The following GRM1 variants were observed in gnomAD, a reference collection of about 807,000 sequenced individuals.
GRM1 encodes glutamate metabotropic receptor 1.
Under a neutral mutation model 90.9 loss-of-function variants are expected in GRM1, and 33 were observed. The ratio of observed to expected loss-of-function variants is 0.36; its 90% CI spans 0.28 to 0.49. GRM1 has a LOEUF of 0.49. Ranked by LOEUF, GRM1 falls within the 20% of genes least tolerant of loss-of-function variation. The probability of loss-of-function intolerance (pLI) is 0.99; values close to 1 mark genes in which losing one functional copy is unlikely to be tolerated. For synonymous variants in GRM1, 700 were observed against 613.2 expected, an observed-to-expected ratio of 1.14 and a Z score of -2.09; for missense variants, 1,190 against 1,534.3, an observed-to-expected ratio of 0.78 and a Z score of 3.75.
chr6:146,359,930 G>A (rs914446969), intron 5 of GRM1, among the ~76,000 whole-genome samples: 1 of 152,118 alleles, frequency 6.6e-6, no homozygotes, highest in Non-Finnish European at 1.5e-5. Context: ...CTGGAATGGA[G>A]GTGAGGGGGG....
At chr6:146,191,662 TTTAA>T (rs1778937704) in intron 2 of GRM1, among the ~76,000 whole-genome samples, 1 of 152,212 alleles carries the variant, frequency 6.6e-6, no homozygotes. Flanking sequence ...ATCTTGTTTC[TTTAA>T]TTAATCTTTT....
intron 3 of GRM1, among the ~76,000 whole-genome samples, chr6:146,324,037 C>G (rs1490507147): frequency 6.6e-6 from 1 of 152,162 alleles, no homozygotes; most frequent in Non-Finnish European, 1.5e-5. Flanking sequence ...ATGCCTCTGG[C>G]TTTGTTCTTT....
chr6:146,349,524 A>T (rs1159407219), intron 3 of GRM1, among the ~76,000 whole-genome samples: 1 of 152,156 alleles, frequency 6.6e-6, no homozygotes, highest in East Asian at 1.9e-4. Flanking sequence ...ACCAATCGAC[A>T]TGATACTGTC....
chr6:146,261,585 G>A (rs746889334), intron 2 of GRM1, among the ~76,000 whole-genome samples: 1 of 152,046 alleles, frequency 6.6e-6, no homozygotes, highest in African/African-American at 2.4e-5. Context: ...ATTTAATTGA[G>A]AACTAGTTGG....
At chr6:146,124,556 A>G (rs896562746) in intron 1 of GRM1, among the ~76,000 whole-genome samples, 3 of 152,146 alleles carry the variant, frequency 2.0e-5, no homozygotes, top group Non-Finnish European at 4.4e-5. Context: ...ATAAGGTGAT[A>G]TATTGGCAAC....
chr6:146,130,976 A>T (rs1240207835), intron 1 of GRM1, among the ~76,000 whole-genome samples: 3 of 152,148 alleles, frequency 2.0e-5, no homozygotes, highest in Admixed American at 2.0e-4. Context: ...CCACTTTTTG[A>T]GTCAACCTAA....
intron 7 of GRM1, among the ~76,000 whole-genome samples, chr6:146,432,349 C>T (rs913366353): frequency 5.3e-5 from 8 of 152,184 alleles, no homozygotes; most frequent in African/African-American, 1.9e-4. Flanking sequence ...TTACACTCAT[C>T]TGTACTTATC....
chr6:146,395,590 A>G (rs1464850583), intron 6 of GRM1, among the ~76,000 whole-genome samples: 1 of 152,182 alleles, frequency 6.6e-6, no homozygotes, highest in Non-Finnish European at 1.5e-5. Flanking sequence ...TACTTGTAGT[A>G]TGGACAATAA....
At chr6:146,255,558 C>G (rs1159851387) in intron 2 of GRM1, among the ~76,000 whole-genome samples, 8 of 152,100 alleles carry the variant, frequency 5.3e-5, no homozygotes, top group Non-Finnish European at 1.2e-4. Context: ...TAGAATCCCT[C>G]AAATTTTAAG....
chr6:146,114,294 T>A (rs1375907827), intron 1 of GRM1, among the ~76,000 whole-genome samples: 2 of 151,996 alleles, frequency 1.3e-5, no homozygotes, highest in Non-Finnish European at 2.9e-5. Flanking sequence ...TTACAAAGAG[T>A]TTGAAGATGG....
chr6:146,434,939 G>A lies in GRM1; in HGVS notation c.*143G>A. 1 of 743,890 alleles carries A rather than the reference G, an allele frequency of 1.3e-6. No individual in the cohort carries two copies. Among genetic ancestry groups the A allele is most frequent in the East Asian group, 2.7e-5 (1 of 37,510 alleles). The allele number at this position is 743,890 out of a possible 1,614,324, so 46.1% of individuals were successfully genotyped here. On this transcript the variant is annotated 3_prime_UTR_variant, in exon 8 of 8. Transcript: ENST00000282753. The stretch of plus-strand genomic sequence containing the variant: ...GACCGCTGCTGCTGCTGCCGCTACT[G>A]CTGCTGCTGCCTTAAGTAGGAAGAG...
chr6:146,304,460 C>T, intron 2 of GRM1, 151 bp from the exon 3 acceptor site: 1 of 694,834 alleles, frequency 1.4e-6, no homozygotes, highest in Non-Finnish European at 2.6e-6. Flanking sequence ...AAACTTTCTA[C>T]TCTCTACCAA....
At position 146,369,482 on chromosome 6, in the gene GRM1, G is replaced by C. The variant is rs199593754; in HGVS notation, c.1602+11788G>C. On this transcript the variant is annotated intron_variant, in intron 5 of 7. Coordinates refer to ENST00000282753, the MANE Select transcript of GRM1 (RefSeq NM_001278064.2). ...TGCTGTAAACTTCCCTTTCAGTGCT[G>C]CTTTTGCTATATACTGTAGGTTTTG... Among the ~76,000 whole-genome samples the C allele has an allele frequency of 4.5e-4, 68 of 151,878 alleles. 1 individual carries two copies. The East Asian group carries it at 0.013, about 29-fold the overall frequency.
At chr6:146,379,996 G>A (rs1416888241) in intron 5 of GRM1, among the ~76,000 whole-genome samples, 2 of 151,970 alleles carry the variant, frequency 1.3e-5, no homozygotes, top group South Asian at 2.1e-4. Context: ...CTAAAGCTGT[G>A]AGTGGAGTGA....
At chr6:146,303,843 C>A (rs1056073365) in intron 2 of GRM1, among the ~76,000 whole-genome samples, 4 of 152,046 alleles carry the variant, frequency 2.6e-5, no homozygotes, top group African/African-American at 9.7e-5. Flanking sequence ...GTCTTTGATA[C>A]CCTCATAGGC....
chr6:146,050,779 C>T (rs1290910584), intron 1 of GRM1, among the ~76,000 whole-genome samples: 5 of 152,136 alleles, frequency 3.3e-5, no homozygotes, highest in South Asian at 4.1e-4. Flanking sequence ...AGTGTGATTA[C>T]GGCATATGCC....
intron 5 of GRM1, among the ~76,000 whole-genome samples, chr6:146,364,667 A>G (rs1775609557): frequency 1.3e-5 from 2 of 152,058 alleles, no homozygotes; most frequent in South Asian, 4.1e-4. Flanking sequence ...GAAAATATTA[A>G]AAAATAGTAC....
intron 6 of GRM1, 128 bp downstream of exon 6, chr6:146,387,144 C>T (rs1776538780): frequency 1.1e-6 from 1 of 900,170 alleles, no homozygotes; most frequent in Admixed American, 1.7e-5. Flanking sequence ...TTTTAGTCCT[C>T]ATGTCAAGGA....
rs1168821382 is a variant in GRM1 at position 146,252,738 on chromosome 6, G to A, written c.951-51873G>A. ...CAAAAGCACTGATACAAAACTATAT[G>A]GTGCATTTAGAATACCTTAAGTTTA... On this transcript the variant is annotated intron_variant, in intron 2 of 7. Coordinates refer to ENST00000282753, the MANE Select transcript of GRM1 (RefSeq NM_001278064.2). 3.9e-5 allele frequency among the ~76,000 whole-genome samples: 6 copies of A among 152,166 alleles called. No homozygotes were observed. In the East Asian group the frequency reaches 1.2e-3, roughly 29 times the overall value.
Sources: allele counts gnomAD v4.1 joint callset (sites outside exome capture counted in the v4.1 genomes callset), GRCh38; gene constraint gnomAD v4.1.1; transcripts MANE v1.5; gene names NCBI Gene and HGNC (gene_info 2026-07-23, HGNC 2026-07-21).